The following WDR47 variants were observed in gnomAD, a reference collection of about 807,000 sequenced individuals.
WDR47 encodes the protein WD repeat domain 47.
In WDR47, 32 loss-of-function variants were observed where a neutral mutation model predicts 97.2. That is an observed-to-expected ratio of 0.33 (90% CI 0.25 to 0.44). WDR47 has a LOEUF of 0.44. Among genes scored for constraint, WDR47 ranks in the 20% least tolerant of loss-of-function variants. The pLI is 1.00. For missense variants in WDR47, 782 were observed against 1,102.3 expected (o/e 0.71, Z 4.11); for synonymous variants, 375 against 373.5 (o/e 1.00, Z -0.05).
intron 7 of WDR47, among the ~76,000 whole-genome samples, 198 bp downstream of exon 7, chr1:109,002,026 C>T (rs960265850): frequency 6.6e-6 from 1 of 152,184 alleles, no homozygotes; most frequent in African/African-American, 2.4e-5. Context: ...CTCTTCTGCT[C>T]TAGTTGCTTA....
chr1:108,977,537 T>C (rs545259832), intron 13 of WDR47, among the ~76,000 whole-genome samples: 4 of 152,312 alleles, frequency 2.6e-5, no homozygotes, highest in African/African-American at 9.6e-5. Flanking sequence ...TGTAAGTTTG[T>C]CTTACTGTTT....
intron 1 of WDR47, among the ~76,000 whole-genome samples, chr1:109,036,836 AAAAT>A (rs528938167): frequency 9.2e-5 from 14 of 152,056 alleles, no homozygotes; most frequent in Non-Finnish European, 1.3e-4. Flanking sequence ...ACTCCATCTC[AAAAT>A]AAATAAATAA....
At position 109,017,517 on chromosome 1, in the gene WDR47, CCTT is replaced by C. The variant is rs1199667273; in HGVS notation, c.240_242del (p.Arg81del). 6.2e-7 allele frequency: 1 copy of C among 1,608,566 alleles called. No individual in the cohort carries two copies. Among genetic ancestry groups the C allele is most frequent in the Non-Finnish European group, 8.5e-7 (1 of 1,178,000 alleles). ...ACTAAAAACTTTAGATAAAATCTTACCTTTTTTTGTCAAATTTTTCCATACATT... is the reference window on the plus strand; with the variant it reads ...ACTAAAAACTTTAGATAAAATCTTACTTTTTGTCAAATTTTTCCATACATT... On this transcript the variant is annotated inframe_deletion and splice_region_variant, in exon 3 of 15. Coordinates refer to ENST00000369962, the MANE Select transcript of WDR47 (RefSeq NM_001142551.2).
chr1:108,973,882 CAA>C (rs11397519), intron 14 of WDR47, among the ~76,000 whole-genome samples: 50 of 148,014 alleles, frequency 3.4e-4, no homozygotes, highest in Middle Eastern at 3.5e-3. Context: ...GACCCTGCCT[CAA>C]AAAAAAAAAA....
intron 1 of WDR47, among the ~76,000 whole-genome samples, chr1:109,039,871 A>G (rs1214833095): frequency 1.3e-5 from 2 of 151,864 alleles, no homozygotes; most frequent in East Asian, 3.9e-4. Context: ...CCCCATCTCT[A>G]CTAAAAATAC....
chr1:108,977,589 C>T (rs577640538), intron 13 of WDR47, among the ~76,000 whole-genome samples: 10 of 152,332 alleles, frequency 6.6e-5, no homozygotes, highest in South Asian at 2.1e-4. Flanking sequence ...CGGTGGCTCA[C>T]GCCTATAATC....
chr1:108,976,912 A>G (rs908998063), intron 13 of WDR47, among the ~76,000 whole-genome samples: 18 of 152,330 alleles, frequency 1.2e-4, no homozygotes, highest in African/African-American at 4.1e-4. Context: ...CAAATCAAGC[A>G]GGCTCCTGTA....
At chr1:109,014,728 C>T (rs1661294265) in intron 3 of WDR47, among the ~76,000 whole-genome samples, 1 of 152,114 alleles carries the variant, frequency 6.6e-6, no homozygotes, top group African/African-American at 2.4e-5. Context: ...AGCCACTGCA[C>T]CTGGTCCCAA....
At position 109,011,582 on chromosome 1, in the gene WDR47, C is replaced by T; in HGVS notation, c.464G>A (p.Trp155Ter). ...RLTNHAEFKD[W>*]NPSTARVHCF... Reference sequence around the variant, plus strand: ...GTGAACTCGTGCGGTGCTGGGATTCCAGTCCTTAAACTCGGCATGATTGGT... The same window carrying T: ...GTGAACTCGTGCGGTGCTGGGATTCTAGTCCTTAAACTCGGCATGATTGGT... Residue 155 changes from tryptophan to a stop codon, truncating the protein, a stop_gained, in exon 5 of 15, where the codon TGG becomes TAG. Transcript: ENST00000369962. LOFTEE classifies it high-confidence loss of function. 1 of 1,614,188 alleles carries T rather than the reference C, an allele frequency of 6.2e-7. No individual in the cohort carries two copies. The highest frequency in any genetic ancestry group is 8.5e-7 in the Non-Finnish European group (1 of 1,180,042).
intron 6 of WDR47, 47 bp downstream of exon 6, chr1:109,004,545 T>G: frequency 6.4e-7 from 1 of 1,558,504 alleles, no homozygotes; most frequent in South Asian, 1.2e-5. Context: ...CTATTACTTC[T>G]TACAAAGAGA....
intron 3 of WDR47, among the ~76,000 whole-genome samples, chr1:109,014,589 C>T (rs1054535368): frequency 3.4e-4 from 52 of 152,194 alleles, no homozygotes; most frequent in African/African-American, 1.2e-3. Flanking sequence ...TGTGCCACAG[C>T]ACCCGGCCAA....
chr1:109,010,576 T>C (rs1231900049), intron 5 of WDR47, among the ~76,000 whole-genome samples: 3 of 137,476 alleles, frequency 2.2e-5, no homozygotes, highest in East Asian at 4.4e-4. Context: ...GAAGATTTCC[T>C]AATTTTTTTT....
intron 3 of WDR47, among the ~76,000 whole-genome samples, chr1:109,014,152 T>A (rs975785667): frequency 6.6e-6 from 1 of 152,202 alleles, no homozygotes; most frequent in Admixed American, 6.5e-5. Flanking sequence ...CCAATTTTTA[T>A]GGAAGATATC....
At chr1:109,033,272 G>T (rs1458026988) in intron 1 of WDR47, among the ~76,000 whole-genome samples, 1 of 152,056 alleles carries the variant, frequency 6.6e-6, no homozygotes, top group Non-Finnish European at 1.5e-5. Flanking sequence ...TCCAGCTTGG[G>T]CGACAGAATG....
At position 108,986,582 on chromosome 1, in the gene WDR47, A is replaced by G; in HGVS notation, c.1866T>C (p.Ala622=). The change falls in exon 10 of 15, where the codon GCT becomes GCC. Residue 622 remains alanine (A), a synonymous_variant. Transcript: ENST00000369962. ...VAFHPAGGLY[A]VGSNSKTLRV... ...TCAGAGTTTTTGAATTTGAACCAACAGCATATAAACCTCCAGCTGGATGAA... is the reference window on the plus strand; with the variant it reads ...TCAGAGTTTTTGAATTTGAACCAACGGCATATAAACCTCCAGCTGGATGAA... The G allele has an allele frequency of 2.5e-6, 4 of 1,613,846 alleles. No homozygotes were observed. The highest frequency in any genetic ancestry group is 2.5e-6 in the Non-Finnish European group (3 of 1,179,838).
At chr1:109,036,837 A>C (rs1662989109) in intron 1 of WDR47, among the ~76,000 whole-genome samples, 1 of 151,350 alleles carries the variant, frequency 6.6e-6, no homozygotes, top group South Asian at 2.1e-4. Flanking sequence ...CTCCATCTCA[A>C]AATAAATAAA....
At chr1:109,018,459 A>G (rs2101977055) in intron 2 of WDR47, among the ~76,000 whole-genome samples, 1 of 151,420 alleles carries the variant, frequency 6.6e-6, no homozygotes, top group East Asian at 1.9e-4. Context: ...AAAATGGACT[A>G]AGCTTTAAAG....
intron 7 of WDR47, among the ~76,000 whole-genome samples, chr1:109,001,125 T>TA (rs1299811025): frequency 5.3e-5 from 8 of 151,770 alleles, no homozygotes; most frequent in Non-Finnish European, 1.2e-4. Context: ...CCATCTCTAC[T>TA]AAAAAAATAC....
intron 5 of WDR47, among the ~76,000 whole-genome samples, chr1:109,008,472 A>G (rs573749255): frequency 6.6e-6 from 1 of 152,220 alleles, no homozygotes; most frequent in South Asian, 2.1e-4. Flanking sequence ...CACATTGGCC[A>G]GGCTGGTCTC....
Sources: gnomAD v4.1 joint callset for allele counts (sites outside exome capture counted in the v4.1 genomes callset) on GRCh38, gnomAD v4.1.1 for gene constraint, MANE v1.5 for transcripts, NCBI Gene and HGNC (gene_info 2026-07-23, HGNC 2026-07-21) for gene names.